SERPINI2: variants seen among roughly 807,000 people sequenced by gnomAD.
SERPINI2 encodes the protein serpin family I member 2.
In SERPINI2, 48 loss-of-function variants were observed where a neutral mutation model predicts 47.3. The observed-to-expected ratio is 1.02, with a 90% CI of 0.81 to 1.29. The LOEUF (loss-of-function observed/expected upper bound fraction) is 1.29. SERPINI2 is among the 50% of genes most tolerant of loss of function. The probability of loss-of-function intolerance (pLI) is 0.00; values close to 1 mark genes in which losing one functional copy is unlikely to be tolerated. For synonymous variants in SERPINI2, 135 were observed against 149.3 expected, an observed-to-expected ratio of 0.90 and a Z score of 0.70; for missense variants, 448 against 456.9, an observed-to-expected ratio of 0.98 and a Z score of 0.18.
chr3:167,458,937 C>T (rs1328559057), intron 5 of SERPINI2, among the ~76,000 whole-genome samples: 1 of 152,108 alleles, frequency 6.6e-6, no homozygotes, highest in African/African-American at 2.4e-5. Context: ...TGTTTATTTA[C>T]CTTATGTGTA....
At chr3:167,465,946 G>T (rs1157034053) in intron 3 of SERPINI2, among the ~76,000 whole-genome samples, 2 of 152,126 alleles carry the variant, frequency 1.3e-5, no homozygotes, top group African/African-American at 4.8e-5. Flanking sequence ...AAGATCATTT[G>T]TAACCATTGT....
chr3:167,462,861 T>G (rs184871967), intron 5 of SERPINI2, among the ~76,000 whole-genome samples: 1 of 152,170 alleles, frequency 6.6e-6, no homozygotes, highest in East Asian at 1.9e-4. Flanking sequence ...CAGTTCAAAG[T>G]TGTCTACACT....
chr3:167,458,692 T>C (rs943128064), intron 5 of SERPINI2, among the ~76,000 whole-genome samples: 1 of 152,186 alleles, frequency 6.6e-6, no homozygotes, highest in African/African-American at 2.4e-5. Context: ...TCCCAATCAA[T>C]GTTTTTGAAC....
At chr3:167,476,271 C>A (rs1750477805), upstream of SERPINI2, among the ~76,000 whole-genome samples, 1 of 151,766 alleles carries the variant, frequency 6.6e-6, no homozygotes, top group African/African-American at 2.4e-5. Flanking sequence ...CTGCTACCTG[C>A]CTAGAAAATT....
chr3:167,449,204 T>G, intron 7 of SERPINI2, 112 bp downstream of exon 7: 1 of 748,714 alleles, frequency 1.3e-6, no homozygotes, highest in Non-Finnish European at 2.3e-6. Flanking sequence ...CTGAAGTGTA[T>G]TAGACAGCAG....
chr3:167,475,395 G>A (rs1370219454), upstream of SERPINI2, among the ~76,000 whole-genome samples: 1 of 151,756 alleles, frequency 6.6e-6, no homozygotes, highest in Non-Finnish European at 1.5e-5. Context: ...ACATCATTAT[G>A]TCTGTACACT....
intron 5 of SERPINI2, among the ~76,000 whole-genome samples, chr3:167,460,708 A>G (rs968508973): frequency 6.6e-6 from 1 of 152,228 alleles, no homozygotes; most frequent in Non-Finnish European, 1.5e-5. Flanking sequence ...ATGTATGGAA[A>G]GGTGGGAAAG....
Position 167,456,101 on chromosome 3 carries a change from G to T in SERPINI2, c.867-3068C>A, listed in dbSNP as rs76235696. Among the ~76,000 whole-genome samples the T allele has an allele frequency of 5.3e-3, 801 of 151,504 alleles. 6 individuals carry two copies. Among genetic ancestry groups the T allele is most frequent in the African/African-American group, 0.019 (766 of 41,296 alleles). Reference sequence around the variant, plus strand: ...ATCTTTGACAATGGTGGCCCTAGATGGTTATGTGAGTACACAGTAAATTCT... The same window carrying T: ...ATCTTTGACAATGGTGGCCCTAGATTGTTATGTGAGTACACAGTAAATTCT... On this transcript the variant is annotated intron_variant, in intron 5 of 8. Coordinates refer to ENST00000264677, the Ensembl canonical transcript of SERPINI2.
chr3:167,456,423 C>A (rs1440475214), intron 5 of SERPINI2, among the ~76,000 whole-genome samples: 3 of 152,108 alleles, frequency 2.0e-5, no homozygotes, highest in Non-Finnish European at 2.9e-5. Context: ...TTTACATTCA[C>A]CCACTTATAG....
At chr3:167,470,408 A>G (rs1479914922) in intron 2 of SERPINI2, among the ~76,000 whole-genome samples, 1 of 152,172 alleles carries the variant, frequency 6.6e-6, no homozygotes, top group Non-Finnish European at 1.5e-5. Flanking sequence ...AGAAAAATAC[A>G]CTGAAATTAT....
chr3:167,470,096 T>C (rs997231579), intron 2 of SERPINI2, among the ~76,000 whole-genome samples: 2 of 152,178 alleles, frequency 1.3e-5, no homozygotes, highest in Admixed American at 6.6e-5. Flanking sequence ...ATTTAAGTTT[T>C]CAGAGACTCT....
At chr3:167,460,531 T>A (rs1164736073) in intron 5 of SERPINI2, among the ~76,000 whole-genome samples, 1 of 152,198 alleles carries the variant, frequency 6.6e-6, no homozygotes, top group Non-Finnish European at 1.5e-5. Context: ...CAGAAGACAT[T>A]AATTTAGTAA....
intron 5 of SERPINI2, among the ~76,000 whole-genome samples, chr3:167,459,326 A>G (rs551797256): frequency 9.8e-4 from 149 of 152,060 alleles, no homozygotes; most frequent in Non-Finnish European, 1.6e-3. Context: ...CGCCCGCCTC[A>G]GCCTCCCAAA....
chr3:167,472,212 C>A (rs1383971338), intron 1 of SERPINI2, among the ~76,000 whole-genome samples: 1 of 151,878 alleles, frequency 6.6e-6, no homozygotes, highest in South Asian at 2.1e-4. Context: ...ATCAGGTAAA[C>A]CTTCTGTGCT....
exon 9 of SERPINI2, chr3:167,441,935 G>A (rs1749340722): frequency 2.1e-6 from 1 of 468,088 alleles, no homozygotes; most frequent in South Asian, 5.3e-5. Context: ...AGAAGGAATG[G>A]AAACAAATGC....
chr3:167,465,244 A>G (rs1025839813), exon 5 of SERPINI2: 5 of 1,611,888 alleles, frequency 3.1e-6, no homozygotes, highest in South Asian at 1.1e-5. Context: ...CTTGCATCTC[A>G]GAGAGCCATT....
At chr3:167,455,462 G>GA (rs369795454) in intron 5 of SERPINI2, among the ~76,000 whole-genome samples, 7 of 151,674 alleles carry the variant, frequency 4.6e-5, no homozygotes, top group African/African-American at 1.2e-4. Context: ...CTTGTTTAAT[G>GA]AAAAAAAGTC....
intron 1 of SERPINI2, 84 bp from the exon 2 acceptor site, chr3:167,471,928 A>G: frequency 1.0e-6 from 1 of 988,902 alleles, no homozygotes; most frequent in Non-Finnish European, 1.5e-6. Context: ...TACCTGTTGT[A>G]GCTTTCTATC....
chr3:167,459,092 T>TTTTTTTTTTTTTTTTTTTTTTTTTTTG (rs1749905812), intron 5 of SERPINI2, among the ~76,000 whole-genome samples: 1 of 151,066 alleles, frequency 6.6e-6, no homozygotes, highest in African/African-American at 2.4e-5. Context: ...TTTTTTTTTT[T>TTTTTTTTTTTTTTTTTTTTTTTTTTTG]GAGACGGAGT....
Sources: allele counts gnomAD v4.1 joint callset (sites outside exome capture counted in the v4.1 genomes callset), GRCh38; gene constraint gnomAD v4.1.1; transcripts MANE v1.5; gene names NCBI Gene and HGNC (gene_info 2026-07-23, HGNC 2026-07-21).